Variants in ADA observed in about 807,000 individuals in gnomAD.
The protein encoded by ADA is adenosine deaminase.
Under a neutral mutation model 49.0 loss-of-function variants are expected in ADA, and 45 were observed. The observed-to-expected ratio is 0.92, with a 90% CI of 0.72 to 1.18. ADA has a LOEUF of 1.18. Ranked by LOEUF, ADA falls within the 50% of genes most tolerant of loss-of-function variation. The pLI is 0.00. For synonymous variants in ADA, 173 were observed against 184.2 expected (o/e 0.94, Z 0.49); for missense variants, 445 against 472.5 (o/e 0.94, Z 0.54).
At position 44,624,230 on chromosome 20, in the gene ADA, A is replaced by T. The variant is rs767083081; in HGVS notation, c.578T>A (p.Leu193His). 135 of 1,613,566 alleles carry T rather than the reference A, an allele frequency of 8.4e-5. No homozygotes were observed. Among genetic ancestry groups the T allele is most frequent in the Non-Finnish European group, 1.1e-4 (133 of 1,179,808 alleles). The change falls in exon 6 of 12, where the codon CTC becomes CAC. Residue 193 changes from leucine (L) to histidine (H), a missense_variant. By Grantham distance (99) the Leu-to-His change is moderately conservative. Coordinates refer to ENST00000372874, the MANE Select transcript of ADA (RefSeq NM_000022.4). ...GTAGGCCTGGACATGTCCAGGCAAG[A>T]GGCTGCTTCCTGGGATGGTCTCATC... is the stretch of plus-strand genomic sequence containing the variant. ...AGDETIPGSS[L>H]LPGHVQAYQE...
In ADA at chr20:44,636,336, A is replaced by C. The variant is rs769315289; in HGVS notation, c.34-48T>G. The C allele has an allele frequency of 2.7e-6, 4 of 1,455,428 alleles. No homozygotes were observed. The African/African-American group carries it at 4.2e-5, about 15-fold the overall frequency. The allele number at this position is 1,455,428 out of a possible 1,614,324, so 90.2% of individuals were successfully genotyped here. A position where few individuals can be genotyped will look rare whatever the true frequency, so the allele number is the denominator to read the frequency against. ...GAGAGAGAAAGGGAGAGAGAGAACAAATACCTATGAGTTCACGAAGGACCT... is the reference window on the plus strand; with the variant it reads ...GAGAGAGAAAGGGAGAGAGAGAACACATACCTATGAGTTCACGAAGGACCT... On this transcript the variant is annotated intron_variant, in intron 1 of 11. Coordinates refer to ENST00000372874, the MANE Select transcript of ADA (RefSeq NM_000022.4).
chr20:44,634,725 G>C (rs538987128), intron 2 of ADA, among the ~76,000 whole-genome samples: 1 of 152,380 alleles, frequency 6.6e-6, no homozygotes, highest in Admixed American at 6.5e-5. Context: ...CGAAAAGATG[G>C]AGAATAGTGG....
chr20:44,626,327 T>G, intron 4 of ADA, 129 bp downstream of exon 4: 2 of 1,316,914 alleles, frequency 1.5e-6, no homozygotes, highest in Non-Finnish European at 2.1e-6. Context: ...TCTGAGGCCA[T>G]GGACCAGACT....
chr20:44,629,178 A>C lies in ADA; in HGVS notation c.96-9T>G. On this transcript the variant is annotated splice_polypyrimidine_tract_variant and intron_variant, in intron 2 of 11. Coordinates refer to ENST00000372874, the MANE Select transcript of ADA (RefSeq NM_000022.4). ...GGGCGATCCCTCTCCTCCTGGAAAC[A>C]AAACAGTGAGTGGTGGACCAACCCG... 6.2e-7 allele frequency: 1 copy of C among 1,614,196 alleles called. No individual in the cohort carries two copies. The highest frequency in any genetic ancestry group is 8.5e-7 in the Non-Finnish European group (1 of 1,180,026).
At chr20:44,636,157 G>T in intron 2 of ADA, 70 bp downstream of exon 2, 1 of 1,372,534 alleles carries the variant, frequency 7.3e-7, no homozygotes, top group South Asian at 1.2e-5. Context: ...GAATTCCCCA[G>T]GGGCCTCTGG....
chr20:44,649,661 C>T (rs1378019605), intron 1 of ADA, among the ~76,000 whole-genome samples: 1 of 150,018 alleles, frequency 6.7e-6, no homozygotes, highest in African/African-American at 2.5e-5. Flanking sequence ...TGGGTGTCTG[C>T]AACAAGTGCT....
chr20:44,637,864 G>A (rs1247663820), intron 1 of ADA, among the ~76,000 whole-genome samples: 3 of 152,174 alleles, frequency 2.0e-5, no homozygotes, highest in Non-Finnish European at 4.4e-5. Context: ...GACAAAATGA[G>A]TTCAGTTCCC....
chr20:44,625,023 G>A (rs1304462247), intron 5 of ADA, among the ~76,000 whole-genome samples: 1 of 152,256 alleles, frequency 6.6e-6, no homozygotes, highest in Non-Finnish European at 1.5e-5. Flanking sequence ...CCTGAGGGTA[G>A]AGGAATGAAG....
chr20:44,642,037 T>A (rs1029089810), intron 1 of ADA, among the ~76,000 whole-genome samples: 2 of 152,134 alleles, frequency 1.3e-5, no homozygotes, highest in African/African-American at 4.8e-5. Context: ...CAAAGTGTTA[T>A]GATTACAGGC....
chr20:44,627,894 C>T (rs1463069108), intron 3 of ADA, among the ~76,000 whole-genome samples: 1 of 152,198 alleles, frequency 6.6e-6, no homozygotes, highest in Non-Finnish European at 1.5e-5. Flanking sequence ...GGAGTTATTG[C>T]GGGGACAAAT....
chr20:44,642,657 G>C (rs1036259568), intron 1 of ADA, among the ~76,000 whole-genome samples: 2 of 152,170 alleles, frequency 1.3e-5, no homozygotes, highest in Admixed American at 6.5e-5. Flanking sequence ...CCACCCAAGT[G>C]TGTTAAATCG....
rs548991285 is a variant in ADA, at chr20:44,643,869, C to A, written c.34-7581G>T. On this transcript the variant is annotated intron_variant, in intron 1 of 11. Coordinates refer to ENST00000372874, the MANE Select transcript of ADA (RefSeq NM_000022.4). ...ACTAAGCCCCACTATGTGCCAGGCA[C>A]CGTGGAGGCCCTCGGGAAATGCACT... Among the ~76,000 whole-genome samples the A allele has an allele frequency of 2.0e-5, 3 of 152,238 alleles. No individual in the cohort carries two copies. In the South Asian group the frequency reaches 6.2e-4, roughly 32 times the overall value.
intron 1 of ADA, among the ~76,000 whole-genome samples, chr20:44,645,301 T>C (rs2065579481): frequency 7.2e-6 from 1 of 139,174 alleles, no homozygotes; most frequent in African/African-American, 2.8e-5. Flanking sequence ...GAGGTTGCAG[T>C]GAGCCAAAAT....
rs1018302697 is a variant in ADA at position 44,629,112 on chromosome 20, G to A, written c.153C>T (p.Gly51=). 4.3e-6 allele frequency: 7 copies of A among 1,614,104 alleles called. No individual in the cohort carries two copies. The African/African-American group carries it at 9.3e-5, about 22-fold the overall frequency. ...CTGGAAGGGTGAGCGGCTTGTCCAT[G>A]CCAATGACGTTCAGCAGCCCCTCTG... is the stretch of plus-strand genomic sequence containing the variant. ...NTAEGLLNVI[G]MDKPLTLPDF... Residue 51 remains glycine, a synonymous_variant, in exon 3 of 12, where the codon GGC becomes GGT. Coordinates refer to ENST00000372874, the MANE Select transcript of ADA (RefSeq NM_000022.4).
chr20:44,632,380 G>A (rs2065441404), intron 2 of ADA, among the ~76,000 whole-genome samples: 1 of 152,126 alleles, frequency 6.6e-6, no homozygotes, highest in Admixed American at 6.5e-5. Flanking sequence ...ATTTCAAGCA[G>A]GGGACTAGCA....
At chr20:44,649,335 C>T (rs1020750107) in intron 1 of ADA, among the ~76,000 whole-genome samples, 1 of 152,028 alleles carries the variant, frequency 6.6e-6, no homozygotes, top group Non-Finnish European at 1.5e-5. Context: ...GAGATTCACA[C>T]TCCTTCCCAC....
chr20:44,623,715 CTTTCTT>C (rs957101387), intron 6 of ADA, among the ~76,000 whole-genome samples: 4 of 150,640 alleles, frequency 2.7e-5, no homozygotes, highest in Non-Finnish European at 5.9e-5. Context: ...TCCTTCCTCT[CTTTCTT>C]TCTCTTTCTT....
intron 2 of ADA, among the ~76,000 whole-genome samples, chr20:44,631,585 G>A (rs2065433573): frequency 6.6e-6 from 1 of 152,168 alleles, no homozygotes; most frequent in South Asian, 2.1e-4. Flanking sequence ...GGCCACATTT[G>A]CCTGGGACCT....
At chr20:44,637,074 G>A (rs1203630993) in intron 1 of ADA, among the ~76,000 whole-genome samples, 1 of 152,070 alleles carries the variant, frequency 6.6e-6, no homozygotes, top group Non-Finnish European at 1.5e-5. Flanking sequence ...CAAAGTGCTG[G>A]GATTACAGGT....
Sources: gnomAD v4.1 joint callset for allele counts (sites outside exome capture counted in the v4.1 genomes callset) on GRCh38, gnomAD v4.1.1 for gene constraint, MANE v1.5 for transcripts, NCBI Gene and HGNC (gene_info 2026-07-23, HGNC 2026-07-21) for gene names.